Variants in AGBL4 observed in about 807,000 individuals in gnomAD.
The protein encoded by AGBL4 is AGBL carboxypeptidase 4.
In AGBL4, 58 loss-of-function variants were observed where a neutral mutation model predicts 66.4. The observed-to-expected ratio is 0.87, with a 90% confidence interval of 0.71 to 1.09. AGBL4 has a LOEUF of 1.09. AGBL4 is among the 50% of genes least tolerant of loss of function. AGBL4 has a pLI of 0.00. For synonymous variants in AGBL4, 234 were observed against 222.9 expected (o/e 1.05, Z -0.44); for missense variants, 579 against 631.0 (o/e 0.92, Z 0.88).
intron 6 of AGBL4, among the ~76,000 whole-genome samples, chr1:48,785,132 C>T (rs1645380662): frequency 6.6e-6 from 1 of 152,192 alleles, no homozygotes; most frequent in Non-Finnish European, 1.5e-5. Flanking sequence ...CCTCCATAGA[C>T]TAGCTCCAGT....
At chr1:49,201,423 T>G (rs1647690999) in intron 4 of AGBL4, among the ~76,000 whole-genome samples, 1 of 152,186 alleles carries the variant, frequency 6.6e-6, no homozygotes, top group African/African-American at 2.4e-5. Flanking sequence ...ATGACAGTGT[T>G]AGGATTTGAA....
intron 1 of AGBL4, among the ~76,000 whole-genome samples, chr1:49,948,027 A>AATATATATATTTATAAATATATATTT (rs369140618): frequency 1.3e-5 from 1 of 75,876 alleles, no homozygotes; most frequent in African/African-American, 6.9e-5. Flanking sequence ...AATATATATA[A>AATATATATATTTATAAATATATATTT]ATATATATAC....
At chr1:49,823,574 T>C (rs190002949) in intron 2 of AGBL4, among the ~76,000 whole-genome samples, 3 of 152,236 alleles carry the variant, frequency 2.0e-5, no homozygotes, top group East Asian at 3.9e-4. Flanking sequence ...GGACCTCAAA[T>C]TTTGGAAGCA....
intron 6 of AGBL4, among the ~76,000 whole-genome samples, chr1:48,674,196 C>T (rs2148470936): frequency 6.6e-6 from 1 of 152,290 alleles, no homozygotes; most frequent in East Asian, 1.9e-4. Flanking sequence ...GCATTAGCTC[C>T]ATGGCAAAGG....
intron 3 of AGBL4, among the ~76,000 whole-genome samples, chr1:49,329,311 C>T (rs978897665): frequency 1.3e-5 from 2 of 151,792 alleles, no homozygotes; most frequent in Non-Finnish European, 2.9e-5. Context: ...CGTCTCAAAA[C>T]AAAACAAAAC....
chr1:49,269,800 T>C (rs896055767), intron 3 of AGBL4, among the ~76,000 whole-genome samples: 1 of 152,166 alleles, frequency 6.6e-6, no homozygotes, highest in African/African-American at 2.4e-5. Context: ...TACACGTTAA[T>C]AAATTTATAA....
rs1646130131 is a variant in AGBL4, at chr1:49,845,937, AG to A, written c.157+5458del. 2.0e-6 allele frequency: 3 copies of A among 1,491,194 alleles called. No homozygotes were observed. In the African/African-American group the frequency reaches 4.1e-5, roughly 21 times the overall value. 92.4% of individuals were successfully genotyped at this position (1,491,194 alleles called of 1,614,324 possible). A position where few individuals can be genotyped will look rare whatever the true frequency, so the allele number is the denominator to read the frequency against. On this transcript the variant is annotated intron_variant, in intron 2 of 13. Transcript: ENST00000371839. ...CCCTACAAATGCAATGACTGCAGCAAGGCATTCAGCCACAGCTTGTCCCTCA... is the reference window on the plus strand; with the variant it reads ...CCCTACAAATGCAATGACTGCAGCAAGCATTCAGCCACAGCTTGTCCCTCA...
chr1:48,657,305 T>C (rs1488159754), intron 7 of AGBL4, among the ~76,000 whole-genome samples: 5 of 152,148 alleles, frequency 3.3e-5, no homozygotes, highest in Non-Finnish European at 7.3e-5. Context: ...TCATTGCTCT[T>C]CGTTGGCTTG....
At chr1:48,859,716 T>C (rs1647318228) in intron 6 of AGBL4, among the ~76,000 whole-genome samples, 1 of 152,236 alleles carries the variant, frequency 6.6e-6, no homozygotes, top group African/African-American at 2.4e-5. Context: ...TTTAAGCTTT[T>C]GCAATTTGAT....
chr1:48,689,886 C>CA (rs1302931300), intron 6 of AGBL4, among the ~76,000 whole-genome samples: 1 of 152,192 alleles, frequency 6.6e-6, no homozygotes, highest in Non-Finnish European at 1.5e-5. Flanking sequence ...GCCTGGGCGA[C>CA]AGAGTGAGAG....
intron 1 of AGBL4, among the ~76,000 whole-genome samples, chr1:49,859,632 A>G (rs949804750): frequency 3.9e-5 from 6 of 152,126 alleles, no homozygotes; most frequent in Non-Finnish European, 5.9e-5. Flanking sequence ...ATATGTAATT[A>G]TGTATTTTTT....
intron 3 of AGBL4, among the ~76,000 whole-genome samples, chr1:49,301,738 T>C (rs962208502): frequency 2.6e-5 from 4 of 152,188 alleles, no homozygotes; most frequent in African/African-American, 9.7e-5. Context: ...TTGTTTGAGA[T>C]ATTTTTTAGA....
chr1:48,693,309 T>A (rs1207484613), intron 6 of AGBL4, among the ~76,000 whole-genome samples: 1 of 152,152 alleles, frequency 6.6e-6, no homozygotes, highest in Non-Finnish European at 1.5e-5. Context: ...GATCTCACCA[T>A]CAACATGACA....
intron 5 of AGBL4, among the ~76,000 whole-genome samples, chr1:48,909,517 T>C (rs977833856): frequency 1.3e-5 from 2 of 152,190 alleles, no homozygotes; most frequent in Admixed American, 6.5e-5. Flanking sequence ...ACAGGAGGAA[T>C]GCAAAACCTC....
At chr1:48,893,705 A>AATAAATAAAT (rs1553120621) in intron 5 of AGBL4, among the ~76,000 whole-genome samples, 132 of 148,420 alleles carry the variant, frequency 8.9e-4, no homozygotes, top group East Asian at 4.2e-3. Context: ...TAAATAAATA[A>AATAAATAAAT]AAAGATAAAA....
chr1:49,960,341 C>T (rs1231413852), intron 1 of AGBL4, among the ~76,000 whole-genome samples: 1 of 151,988 alleles, frequency 6.6e-6, no homozygotes, highest in African/African-American at 2.4e-5. Context: ...CACATGTTCT[C>T]ACTCATATGT....
At chr1:49,354,670 T>G (rs1643982206) in intron 3 of AGBL4, among the ~76,000 whole-genome samples, 1 of 152,204 alleles carries the variant, frequency 6.6e-6, no homozygotes, top group Non-Finnish European at 1.5e-5. Flanking sequence ...AGCAAAATGA[T>G]TATGATGTAT....
intron 11 of AGBL4, among the ~76,000 whole-genome samples, chr1:48,552,641 C>T (rs1644265748): frequency 6.6e-6 from 1 of 152,164 alleles, no homozygotes; most frequent in Non-Finnish European, 1.5e-5. Flanking sequence ...CTCATTGTGA[C>T]AACCAAGTGT....
At chr1:49,836,003 C>G (rs191895345) in intron 2 of AGBL4, among the ~76,000 whole-genome samples, 11 of 152,192 alleles carry the variant, frequency 7.2e-5, no homozygotes, top group Non-Finnish European at 1.0e-4. Flanking sequence ...CTCTGGCTGC[C>G]CTTAACATTT....
Sources: allele counts gnomAD v4.1 joint callset (sites outside exome capture counted in the v4.1 genomes callset), GRCh38; gene constraint gnomAD v4.1.1; transcripts MANE v1.5; gene names NCBI Gene and HGNC (gene_info 2026-07-23, HGNC 2026-07-21).